Variants in RAB3GAP1 observed in about 807,000 individuals in gnomAD.
The protein encoded by RAB3GAP1 is rab3 GTPase-activating protein catalytic subunit.
A neutral mutation model predicts 130.7 loss-of-function variants in RAB3GAP1; 86 were observed. The observed-to-expected ratio is 0.66, with a 90% confidence interval of 0.55 to 0.79. The LOEUF is 0.79. RAB3GAP1 is among the 30% of genes least tolerant of loss of function. RAB3GAP1 has a pLI of 0.00. For synonymous variants in RAB3GAP1, 367 were observed against 401.7 expected, an observed-to-expected ratio of 0.91 and a Z score of 1.03; for missense variants, 1,029 against 1,169.4, an observed-to-expected ratio of 0.88 and a Z score of 1.75.
chr2:135,068,944 T>C (rs1689395489), intron 3 of RAB3GAP1, among the ~76,000 whole-genome samples: 1 of 152,202 alleles, frequency 6.6e-6, no homozygotes, highest in African/African-American at 2.4e-5. Context: ...CATTTTGTTA[T>C]AATGAATGCA....
At chr2:135,121,277 A>C (rs1691192465) in intron 8 of RAB3GAP1, among the ~76,000 whole-genome samples, 1 of 152,212 alleles carries the variant, frequency 6.6e-6, no homozygotes, top group African/African-American at 2.4e-5. Context: ...ACCCTCATAA[A>C]CTGAGAACAC....
At chr2:135,129,162 G>T (rs1318716651) in intron 11 of RAB3GAP1, among the ~76,000 whole-genome samples, 2 of 147,062 alleles carry the variant, frequency 1.4e-5, no homozygotes, top group Non-Finnish European at 3.0e-5. Flanking sequence ...AAAAATAATA[G>T]TAATAATGGG....
At chr2:135,152,436 G>C (rs1692202879) in intron 18 of RAB3GAP1, among the ~76,000 whole-genome samples, 1 of 152,216 alleles carries the variant, frequency 6.6e-6, no homozygotes, top group Non-Finnish European at 1.5e-5. Flanking sequence ...TATAGTGTAT[G>C]AGTGAATATT....
chr2:135,139,375 T>C (rs147707958), intron 17 of RAB3GAP1, among the ~76,000 whole-genome samples: 1 of 151,920 alleles, frequency 6.6e-6, no homozygotes, highest in African/African-American at 2.4e-5. Flanking sequence ...ACCCCGTCTC[T>C]ACAAAAAATA....
At position 135,121,119 on chromosome 2, in the gene RAB3GAP1, A is replaced by G. The variant is rs916349492; in HGVS notation, c.748+201A>G. On this transcript the variant is annotated intron_variant, in intron 8 of 23. Coordinates refer to ENST00000264158, the MANE Select transcript of RAB3GAP1 (RefSeq NM_012233.3). ...AAACTGTAGGTTTTCTAGAGATAGT[A>G]TTACTCTATATTTGACAATCTGTCT... 7.2e-5 allele frequency among the ~76,000 whole-genome samples: 11 copies of G among 152,228 alleles called. No individual in the cohort carries two copies. The East Asian group carries it at 1.7e-3, about 24-fold the overall frequency.
At chr2:135,131,628 G>A (rs1691547438) in intron 13 of RAB3GAP1, among the ~76,000 whole-genome samples, 1 of 152,148 alleles carries the variant, frequency 6.6e-6, no homozygotes, top group Admixed American at 6.5e-5. Context: ...GTGGCTCCTA[G>A]GTATAACAGA....
chr2:135,065,887 C>T (rs1689307622), intron 3 of RAB3GAP1, among the ~76,000 whole-genome samples: 3 of 151,332 alleles, frequency 2.0e-5, no homozygotes, highest in Admixed American at 1.3e-4. Flanking sequence ...TCTCCTGCCT[C>T]AGCCTCCTCA....
intron 7 of RAB3GAP1, 110 bp from the exon 8 acceptor site, chr2:135,120,709 T>G: frequency 1.2e-6 from 1 of 823,174 alleles, no homozygotes; most frequent in Non-Finnish European, 2.2e-6. Context: ...AAAATCCAGG[T>G]TTCATAAAGG....
chr2:135,085,777 T>C (rs868000377), intron 3 of RAB3GAP1, among the ~76,000 whole-genome samples: 2 of 152,190 alleles, frequency 1.3e-5, no homozygotes, highest in Admixed American at 1.3e-4. Context: ...TTTTATTGAA[T>C]TTTTTATTTG....
chr2:135,080,224 A>G (rs1428306219), intron 3 of RAB3GAP1, among the ~76,000 whole-genome samples: 1 of 152,072 alleles, frequency 6.6e-6, no homozygotes, highest in East Asian at 1.9e-4. Flanking sequence ...GTAGGTACTT[A>G]GCAGATGTGA....
chr2:135,130,672 G>C lies in RAB3GAP1; in HGVS notation c.1187G>C (p.Gly396Ala), dbSNP rs61748696. 1.6e-5 allele frequency: 26 copies of C among 1,613,782 alleles called. No homozygotes were observed. The African/African-American group carries it at 2.7e-4, about 17-fold the overall frequency. The change falls in exon 13 of 24, where the codon GGT becomes GCT. Residue 396 changes from glycine to alanine, a missense_variant. Gly to Ala is a moderately conservative substitution (Grantham distance 60, BLOSUM62 0). This residue lies in a region of RAB3GAP1 where 510 missense variants were observed against 532.1 expected (regional missense o/e 0.96). Coordinates refer to ENST00000264158, the MANE Select transcript of RAB3GAP1 (RefSeq NM_012233.3). ...AAGAAGAAAATCCGAAAACACAGAGGTGTAGAGGAGTCACCGCTAAATAAT... is the reference window on the plus strand; with the variant it reads ...AAGAAGAAAATCCGAAAACACAGAGCTGTAGAGGAGTCACCGCTAAATAAT... ...TAKKKIRKHRGVEESPLNNDV... is the reference protein window; with the variant it reads ...TAKKKIRKHRAVEESPLNNDV...
In RAB3GAP1 at chr2:135,107,927, A is replaced by G. The variant is rs1690676207; in HGVS notation, c.363-5224A>G. ...GAGATGGAGGTTGCAGTGAGCCGACATTGTGCCATTGCACTCCAGCCTGGG... is the reference window on the plus strand; with the variant it reads ...GAGATGGAGGTTGCAGTGAGCCGACGTTGTGCCATTGCACTCCAGCCTGGG... On this transcript the variant is annotated intron_variant, in intron 5 of 23. Coordinates refer to ENST00000264158, the MANE Select transcript of RAB3GAP1 (RefSeq NM_012233.3). 2.2e-5 allele frequency among the ~76,000 whole-genome samples: 3 copies of G among 136,598 alleles called. No homozygotes were observed. In the Admixed American group the frequency reaches 2.5e-4, roughly 11 times the overall value. The allele number at this position is 136,598 out of a possible 152,430, so 89.6% of individuals were successfully genotyped here. A position where few individuals can be genotyped will look rare whatever the true frequency, so the allele number is the denominator to read the frequency against.
At chr2:135,135,409 C>A in intron 16 of RAB3GAP1, 90 bp downstream of exon 16, 1 of 1,444,492 alleles carries the variant, frequency 6.9e-7, no homozygotes, top group African/African-American at 1.4e-5. Context: ...ACATGCTGTT[C>A]TCATGGTGCT....
rs993358505 is a variant in RAB3GAP1, at chr2:135,113,772, C to T, written c.482+502C>T. ...TTTTTTTTTTCGAGACGTAGTCTTG[C>T]TCTGTTGCCCAGGCTGGAGTGCAGT... On this transcript the variant is annotated intron_variant, in intron 6 of 23. Transcript: ENST00000264158. Among the ~76,000 whole-genome samples the T allele has an allele frequency of 7.3e-5, 11 of 151,508 alleles. No homozygotes were observed. The East Asian group carries it at 7.7e-4, about 11-fold the overall frequency.
At position 135,093,706 on chromosome 2, in the gene RAB3GAP1, T is replaced by C; in HGVS notation, c.362+13T>C. ...GCCTGGTAAGATGGTAGGTATATCT[T>C]TTACTCAGTATCTTTTAGTATGTGT... On this transcript the variant is annotated intron_variant, in intron 5 of 23. Transcript: ENST00000264158. 6.3e-7 allele frequency: 1 copy of C among 1,587,284 alleles called. No individual in the cohort carries two copies. Among genetic ancestry groups the C allele is most frequent in the Non-Finnish European group, 8.7e-7 (1 of 1,155,656 alleles).
chr2:135,170,785 G>A (rs915833406), downstream of RAB3GAP1: 1 of 152,208 alleles, frequency 6.6e-6, no homozygotes, highest in African/African-American at 2.4e-5. Flanking sequence ...TTGGGATTGA[G>A]ACCAGAAGCT....
chr2:135,093,315 A>G (rs575982569), intron 4 of RAB3GAP1, among the ~76,000 whole-genome samples: 1 of 152,340 alleles, frequency 6.6e-6, no homozygotes, highest in South Asian at 2.1e-4. Flanking sequence ...GGACAGGCTA[A>G]GAAGAATAAA....
chr2:135,085,829 G>A lies in RAB3GAP1; in HGVS notation c.151-5169G>A, dbSNP rs78585294. Among the ~76,000 whole-genome samples, 453 of 152,246 alleles carry A rather than the reference G, an allele frequency of 3.0e-3. 3 individuals carry two copies. Among genetic ancestry groups the A allele is most frequent in the African/African-American group, 0.01 (422 of 41,542 alleles). ...ACACAGCGAAGTTTACAGAACTCATGTATGTAATTGTTTTAACAAATGTAT... is the reference window on the plus strand; with the variant it reads ...ACACAGCGAAGTTTACAGAACTCATATATGTAATTGTTTTAACAAATGTAT... On this transcript the variant is annotated intron_variant, in intron 3 of 23. Transcript: ENST00000264158.
chr2:135,139,366 C>G (rs983938069), intron 17 of RAB3GAP1, among the ~76,000 whole-genome samples: 1 of 151,888 alleles, frequency 6.6e-6, no homozygotes, highest in African/African-American at 2.4e-5. Flanking sequence ...CATGACAAAA[C>G]CCCGTCTCTA....
Sources: gnomAD v4.1 joint callset for allele counts (sites outside exome capture counted in the v4.1 genomes callset) on GRCh38, gnomAD v4.1.1 for gene constraint, gnomAD v4.1.1 regional missense constraint, MANE v1.5 for transcripts, NCBI Gene and HGNC (gene_info 2026-07-23, HGNC 2026-07-21) for gene names.